MED16: variants seen among roughly 807,000 people sequenced by gnomAD.
MED16 encodes mediator complex subunit 16.
Under a neutral mutation model 84.4 loss-of-function variants are expected in MED16, and 81 were observed. The ratio of observed to expected loss-of-function variants is 0.96; its 90% CI spans 0.80 to 1.15. The LOEUF (loss-of-function observed/expected upper bound fraction) is 1.15, where lower values mean the gene tolerates loss of function less well. Ranked by LOEUF, MED16 falls within the 50% of genes most tolerant of loss-of-function variation. The pLI is 0.00. For missense variants in MED16, 1,585 were observed against 1,245.9 expected (o/e 1.27, Z -4.10); for synonymous variants, 897 against 552.2 (o/e 1.62, Z -8.76).
At position 880,057 on chromosome 19, in the gene MED16, C is replaced by T. The variant is rs149892081; in HGVS notation, c.1233G>A (p.Pro411=). 3,879 of 1,611,126 alleles carry T rather than the reference C, an allele frequency of 2.4e-3. 80 individuals are homozygous for T. In the African/African-American group the frequency reaches 0.046, roughly 19 times the overall value. ...TCATGGCCGGCTCATCCACAGGCCT[C>T]GGGGCCGCGGAGCTGTAGAAGACGG... ...TMAVFYSSAA[P]RPVDEPAMKR... Residue 411 remains proline, a synonymous_variant, in exon 8 of 16, where the codon CCG becomes CCA. Coordinates refer to ENST00000325464, the MANE Select transcript of MED16 (RefSeq NM_005481.3).
chr19:875,167 A>G, intron 10 of MED16, 77 bp downstream of exon 10: 1 of 1,047,830 alleles, frequency 9.5e-7, no homozygotes, highest in Non-Finnish European at 1.3e-6. Context: ...CTATCTCAAA[A>G]GAGTAAAAAA....
rs569093471 is a variant in MED16, at chr19:890,180, T to C, written c.234A>G (p.Ser78=). 10 of 1,553,876 alleles carry C rather than the reference T, an allele frequency of 6.4e-6. No individual in the cohort carries two copies. Among genetic ancestry groups the C allele is most frequent in the Non-Finnish European group, 8.7e-6 (10 of 1,148,674 alleles). Residue 78 remains serine, a synonymous_variant, in exon 3 of 16, where the codon TCA becomes TCG. Coordinates refer to ENST00000325464, the MANE Select transcript of MED16 (RefSeq NM_005481.3). ...GGCAGGTGATGGCCTCGTGGTGCTC[T>C]GAGGGGATCGAGTGCAGGTCCCAGG... The part of the protein sequence containing the change: ...EHPWDLHSIP[S]EHHEAITCLE...
chr19:882,260 G>T (rs1174354716), intron 6 of MED16, among the ~76,000 whole-genome samples: 1 of 152,214 alleles, frequency 6.6e-6, no homozygotes, highest in Admixed American at 6.5e-5. Context: ...GCCACCCCAA[G>T]ACTTTGGGAA....
intron 8 of MED16, among the ~76,000 whole-genome samples, chr19:878,023 G>A (rs1357529966): frequency 2.4e-5 from 1 of 42,006 alleles, no homozygotes; most frequent in African/African-American, 1.2e-4. Flanking sequence ...ACGCCCACCA[G>A]CCCCAGCCCC....
In MED16 at chr19:884,146, A is replaced by G. The variant is rs553189763; in HGVS notation, c.985+757T>C. 9.9e-5 allele frequency among the ~76,000 whole-genome samples: 15 copies of G among 152,236 alleles called. No individual in the cohort carries two copies. The South Asian group carries it at 3.1e-3, about 32-fold the overall frequency. On this transcript the variant is annotated intron_variant, in intron 6 of 15. Coordinates refer to ENST00000325464, the MANE Select transcript of MED16 (RefSeq NM_005481.3). ...GCCACTCCAGGGTCCATTAGCGCTA[A>G]TCGGCAAATGCCTGTGCTCTCATCT...
chr19:868,332 A>G (rs2145181778), intron 15 of MED16, 81 bp from the exon 16 acceptor site: 1 of 1,587,718 alleles, frequency 6.3e-7, no homozygotes, highest in Non-Finnish European at 8.5e-7. Context: ...GCTCAGGGGC[A>G]GCTGAGGGGT....
chr19:871,515 G>A (rs968681333), intron 12 of MED16: 81 of 1,547,588 alleles, frequency 5.2e-5, no homozygotes, highest in African/African-American at 9.5e-5. Flanking sequence ...GGGAAGCACT[G>A]TGCCTTTTCC....
chr19:876,879 G>T (rs1568324554), intron 9 of MED16, 95 bp downstream of exon 9: 2 of 1,259,890 alleles, frequency 1.6e-6, no homozygotes, highest in East Asian at 2.7e-5. Flanking sequence ...CTGCCACGGG[G>T]CCCCCACCTG....
In MED16 at chr19:875,127, G is replaced by A. The variant is rs540310761; in HGVS notation, c.1771+117C>T. ...TGCAGTGAGCTGAGATCGCACCACT[G>A]CACTCCAGCCTGGGCAACAGAGTAA... On this transcript the variant is annotated intron_variant, in intron 10 of 15. Coordinates refer to ENST00000325464, the MANE Select transcript of MED16 (RefSeq NM_005481.3). 37 of 652,790 alleles carry A rather than the reference G, an allele frequency of 5.7e-5. No homozygotes were observed. The South Asian group carries it at 1.0e-3, about 18-fold the overall frequency. 40.4% of individuals were successfully genotyped at this position (652,790 alleles called of 1,614,324 possible).
chr19:885,572 G>A (rs747098953), intron 5 of MED16, among the ~76,000 whole-genome samples, 198 bp downstream of exon 5: 3 of 152,172 alleles, frequency 2.0e-5, no homozygotes, highest in South Asian at 2.1e-4. Context: ...AAGGCGCCCC[G>A]AACCGAGGGA....
intron 12 of MED16, chr19:871,643 G>A (rs578178116): frequency 3.0e-5 from 48 of 1,593,264 alleles, no homozygotes; most frequent in African/African-American, 2.7e-4. Context: ...CCCACACAGA[G>A]CATGGACCTG....
chr19:871,312 C>T, intron 12 of MED16, 59 bp from the exon 13 acceptor site: 15 of 1,476,950 alleles, frequency 1.0e-5, no homozygotes, highest in Non-Finnish European at 1.1e-5. Flanking sequence ...CCCGGCCACC[C>T]GGGACGTGCT....
At position 868,541 on chromosome 19, in the gene MED16, G is replaced by A. The variant is rs368383193; in HGVS notation, c.2400-42C>T. On this transcript the variant is annotated intron_variant, in intron 14 of 15. Coordinates refer to ENST00000325464, the MANE Select transcript of MED16 (RefSeq NM_005481.3). ...ACTGAGCGGGTTCCCACTTCCAGGC[G>A]GGCCTCCCTTACGCCTGCCCCACTT... 1.1e-4 allele frequency: 184 copies of A among 1,601,712 alleles called. No homozygotes were observed. The Middle Eastern group carries it at 2.0e-3, about 18-fold the overall frequency.
At chr19:871,275 G>A (rs781327317) in intron 12 of MED16, 22 bp from the exon 13 acceptor site, 48 of 1,523,220 alleles carry the variant, frequency 3.2e-5, no homozygotes, top group Non-Finnish European at 4.1e-5. Flanking sequence ...GGTGGCGGAA[G>A]TCTCAGCACC....
chr19:871,760 A>AGG (rs2036065804), intron 12 of MED16, 166 bp downstream of exon 12: 6 of 256,076 alleles, frequency 2.3e-5, no homozygotes, highest in Middle Eastern at 9.3e-4. Context: ...TGGTAGGGAG[A>AGG]GGGGAGCGGG....
At chr19:870,586 G>T (rs1475831342) in intron 13 of MED16, among the ~76,000 whole-genome samples, 1 of 150,978 alleles carries the variant, frequency 6.6e-6, no homozygotes, top group African/African-American at 2.4e-5. Flanking sequence ...AAAAAAAAGG[G>T]AGAGGGTGAA....
At position 875,444 on chromosome 19, in the gene MED16, G is replaced by C; in HGVS notation, c.1571C>G (p.Thr524Ser). ...CGAGGCCTTCATGGCCAGGATCCGGGTGGAGAGGACCTGAGGGCAGGAAGC... is the reference window on the plus strand; with the variant it reads ...CGAGGCCTTCATGGCCAGGATCCGGCTGGAGAGGACCTGAGGGCAGGAAGC... Reference protein sequence around the residue: ...QTAALQQVLSTRILAMKASLC... With the variant: ...QTAALQQVLSSRILAMKASLC... The change falls in exon 10 of 16, where the codon ACC (threonine) becomes AGC (serine). Residue 524 changes from threonine (T) to serine (S), a missense_variant. Physicochemically the swap from Thr to Ser is moderately conservative, Grantham distance 58. Coordinates refer to ENST00000325464, the MANE Select transcript of MED16 (RefSeq NM_005481.3). The C allele has an allele frequency of 6.2e-7, 1 of 1,601,754 alleles. No homozygotes were observed. Among genetic ancestry groups the C allele is most frequent in the Non-Finnish European group, 8.5e-7 (1 of 1,179,466 alleles).
rs1409391704 is a variant in MED16 at position 880,021 on chromosome 19, G to A, written c.1269C>T (p.Arg423=). Residue 423 remains arginine (R), a synonymous_variant, in exon 8 of 16, where the codon CGC becomes CGT. Coordinates refer to ENST00000325464, the MANE Select transcript of MED16 (RefSeq NM_005481.3). ...TTAAGTGGACGGCGGGGCCCGCGGT[G>A]CGGGGGCGCTTCATGGCCGGCTCAT... The part of the protein sequence containing the change: ...PVDEPAMKRP[R]TAGPAVHLKA... 2.5e-6 allele frequency: 4 copies of A among 1,610,636 alleles called. No individual in the cohort carries two copies. The African/African-American group carries it at 5.3e-5, about 22-fold the overall frequency.
chr19:886,281 G>A, intron 4 of MED16, 80 bp from the exon 5 acceptor site: 1 of 1,258,204 alleles, frequency 7.9e-7, no homozygotes, highest in Non-Finnish European at 1.1e-6. Context: ...CACGCGCACA[G>A]AAGAACCACG....
Sources: allele counts gnomAD v4.1 joint callset (sites outside exome capture counted in the v4.1 genomes callset), GRCh38; gene constraint gnomAD v4.1.1; transcripts MANE v1.5; gene names NCBI Gene and HGNC (gene_info 2026-07-23, HGNC 2026-07-21).